Variants in KIAA1586 observed in about 807,000 individuals in gnomAD.
KIAA1586 encodes the protein E3 SUMO-protein ligase KIAA1586.
KIAA1586 carries 5 observed loss-of-function variants against 6.1 expected under a neutral mutation model. That is an observed-to-expected ratio of 0.82 (90% CI 0.43 to 1.73). KIAA1586 has a LOEUF of 1.73. Ranked by LOEUF, KIAA1586 falls within the 40% of genes most tolerant of loss-of-function variation. KIAA1586 has a pLI of 0.02. For synonymous variants in KIAA1586, 280 were observed against 301.7 expected (o/e 0.93, Z 0.75); for missense variants, 899 against 878.2 (o/e 1.02, Z -0.30).
intron 2 of KIAA1586, among the ~76,000 whole-genome samples, chr6:57,047,985 C>T (rs1408053246): frequency 6.7e-6 from 1 of 148,648 alleles, no homozygotes; most frequent in African/African-American, 2.5e-5. Context: ...TCCTGGGCCC[C>T]ACTGCAGACC....
rs1406476304 is a variant in KIAA1586 at position 57,053,422 on chromosome 6, T to C, written c.923T>C (p.Ile308Thr). 3 of 1,609,996 alleles carry C rather than the reference T, an allele frequency of 1.9e-6. No individual in the cohort carries two copies. Among genetic ancestry groups the C allele is most frequent in the South Asian group, 2.2e-5 (2 of 90,564 alleles). Residue 308 changes from isoleucine (I) to threonine (T), a missense_variant, in exon 4 of 4, where the codon ATA becomes ACA. By Grantham distance (89) the Ile-to-Thr change is moderately conservative (BLOSUM62 -1). Coordinates refer to ENST00000370733, the MANE Select transcript of KIAA1586 (RefSeq NM_020931.4). ...AAGATGAAGATATTTAAGAATATTA[T>C]AGAAGAGAATGCCAAAATCTGTATC... ...EMKMKIFKNI[I>T]EENAKICIII... is the part of the protein sequence containing the mutation.
In KIAA1586 at chr6:57,053,106, C is replaced by G. The variant is rs775420643; in HGVS notation, c.607C>G (p.Leu203Val). ...GSNKTTRQAS[L>V]RKKIREHDVS... The stretch of plus-strand genomic sequence containing the variant: ...TAATAAAACTACTAGGCAAGCTTCT[C>G]TACGAAAAAAAATTAGGGAACATGA... Residue 203 changes from leucine to valine, a missense_variant, in exon 4 of 4, where the codon CTA becomes GTA. By Grantham distance (32) the Leu-to-Val change is conservative. Coordinates refer to ENST00000370733, the MANE Select transcript of KIAA1586 (RefSeq NM_020931.4). The G allele has an allele frequency of 1.4e-5, 23 of 1,607,330 alleles. No individual in the cohort carries two copies. The Admixed American group carries it at 2.8e-4, about 19-fold the overall frequency.
chr6:57,061,352 A>G, the KIAA1586 span, among the ~76,000 whole-genome samples: 4 of 152,122 alleles, frequency 2.6e-5, no homozygotes, highest in East Asian at 5.8e-4. Flanking sequence ...CTATCTTTCA[A>G]CAAGGATAAT....
the KIAA1586 span, among the ~76,000 whole-genome samples, chr6:57,062,146 G>A: frequency 3.3e-5 from 5 of 152,020 alleles, no homozygotes; most frequent in African/African-American, 1.2e-4. Context: ...GCCCAGGCTG[G>A]TCTCAAACTC....
rs1828468592 is a variant in KIAA1586, at chr6:57,054,899, G to A, written c.*36G>A. The A allele has an allele frequency of 2.0e-6, 3 of 1,492,598 alleles. No individual in the cohort carries two copies. The highest frequency in any genetic ancestry group is 1.4e-5 in the African/African-American group (1 of 70,674). The allele number at this position is 1,492,598 out of a possible 1,614,324, so 92.5% of individuals were successfully genotyped here. A position where few individuals can be genotyped will look rare whatever the true frequency, so the allele number is the denominator to read the frequency against. On this transcript the variant is annotated 3_prime_UTR_variant, in exon 4 of 4. Coordinates refer to ENST00000370733, the MANE Select transcript of KIAA1586 (RefSeq NM_020931.4). Reference sequence around the variant, plus strand: ...ACGTTTTTTGTCATCTGTAAATTATGTACTACACATCCTTTATATACATAA... The same window carrying A: ...ACGTTTTTTGTCATCTGTAAATTATATACTACACATCCTTTATATACATAA...
At chr6:57,060,207 T>C (rs1019776352), downstream of KIAA1586, among the ~76,000 whole-genome samples, 1 of 152,138 alleles carries the variant, frequency 6.6e-6, no homozygotes, top group Non-Finnish European at 1.5e-5. Flanking sequence ...GTGTCATTGT[T>C]GTGTTATCTG....
downstream of KIAA1586, among the ~76,000 whole-genome samples, chr6:57,057,229 G>GAA (rs796588929): frequency 1.5e-5 from 2 of 131,272 alleles, no homozygotes. Context: ...CTTTGTCTCA[G>GAA]AAAAAAAAAA....
chr6:57,050,666 C>G (rs914888680), intron 2 of KIAA1586, 108 bp from the exon 3 acceptor site: 1 of 752,840 alleles, frequency 1.3e-6, no homozygotes, highest in African/African-American at 1.8e-5. Flanking sequence ...AAGATTTTCT[C>G]GAGAATCTTT....
At chr6:57,057,191 G>A (rs1828511928), downstream of KIAA1586, among the ~76,000 whole-genome samples, 1 of 149,880 alleles carries the variant, frequency 6.7e-6, no homozygotes, top group African/African-American at 2.5e-5. Context: ...TCACACCACT[G>A]AACTCCAGCC....
chr6:57,052,624 C>A (rs1828357393), intron 3 of KIAA1586, 62 bp from the exon 4 acceptor site: 4 of 1,317,356 alleles, frequency 3.0e-6, no homozygotes, highest in Admixed American at 5.4e-5. Flanking sequence ...ACTAAGAGAA[C>A]TTTTTACATT....
chr6:57,058,642 G>T (rs1370443444), downstream of KIAA1586, among the ~76,000 whole-genome samples: 1 of 152,102 alleles, frequency 6.6e-6, no homozygotes. Context: ...GCTTACTTGT[G>T]CCTGTCCTAG....
the KIAA1586 span, among the ~76,000 whole-genome samples, chr6:57,063,450 C>CTTTTTTTTTTT: frequency 9.8e-6 from 1 of 102,552 alleles, no homozygotes; most frequent in Non-Finnish European, 1.8e-5. Context: ...TATGTTATTT[C>CTTTTTTTTTTT]TTTTTTTTTT....
At chr6:57,057,134 A>G (rs970776847), downstream of KIAA1586, among the ~76,000 whole-genome samples, 1 of 151,922 alleles carries the variant, frequency 6.6e-6, no homozygotes, top group Non-Finnish European at 1.5e-5. Context: ...AGGCTAGGGC[A>G]GGAGAATCGC....
the KIAA1586 span, among the ~76,000 whole-genome samples, chr6:57,066,231 A>T: frequency 1.3e-5 from 2 of 152,028 alleles, no homozygotes; most frequent in African/African-American, 4.8e-5. Flanking sequence ...GTGAGCCAAG[A>T]TCTCAACTCT....
At chr6:57,063,084 A>G in the KIAA1586 span, among the ~76,000 whole-genome samples, 2 of 152,156 alleles carry the variant, frequency 1.3e-5, no homozygotes, top group African/African-American at 2.4e-5. Context: ...ATTTAACAAA[A>G]ATATATAAAT....
chr6:57,049,192 A>G lies in KIAA1586; in HGVS notation c.106-1582A>G, dbSNP rs114843033. ...TAGTAAAACATCCCTGTTGCATTTC[A>G]GTGGTGCCACATAAAAGACAATGAT... On this transcript the variant is annotated intron_variant, in intron 2 of 3. Transcript: ENST00000370733. 5.1e-3 allele frequency among the ~76,000 whole-genome samples: 774 copies of G among 152,308 alleles called. 5 individuals carry two copies. Among genetic ancestry groups the G allele is most frequent in the Middle Eastern group, 0.024 (7 of 294 alleles).
the KIAA1586 span, among the ~76,000 whole-genome samples, chr6:57,061,093 T>A: frequency 6.6e-6 from 1 of 151,936 alleles, no homozygotes; most frequent in Non-Finnish European, 1.5e-5. Context: ...TTCTCCTGCC[T>A]CAGCCTCCTG....
chr6:57,063,599 G>A, the KIAA1586 span, among the ~76,000 whole-genome samples: 1 of 151,504 alleles, frequency 6.6e-6, no homozygotes, highest in Non-Finnish European at 1.5e-5. Flanking sequence ...GATTACAGGT[G>A]CACGCCACCA....
chr6:57,066,115 GAAA>G, the KIAA1586 span, among the ~76,000 whole-genome samples: 1 of 132,276 alleles, frequency 7.6e-6, no homozygotes. Context: ...TGTCTCTACT[GAAA>G]AAAAAAAAAA....
Sources: allele counts gnomAD v4.1 joint callset (sites outside exome capture counted in the v4.1 genomes callset), GRCh38; gene constraint gnomAD v4.1.1; transcripts MANE v1.5; gene names NCBI Gene and HGNC (gene_info 2026-07-23, HGNC 2026-07-21).